Variants in PCDHGA3 observed in about 807,000 individuals in gnomAD.
PCDHGA3 encodes the protein protocadherin gamma-A3.
A neutral mutation model predicts 58.5 loss-of-function variants in PCDHGA3; 40 were observed. That is an observed-to-expected ratio of 0.68 (90% CI 0.53 to 0.89). PCDHGA3 has a LOEUF of 0.89. PCDHGA3 is among the 40% of genes least tolerant of loss of function. PCDHGA3 has a pLI of 0.00. For synonymous variants in PCDHGA3, 530 were observed against 525.7 expected, an observed-to-expected ratio of 1.01 and a Z score of -0.11; for missense variants, 1,223 against 1,195.9, an observed-to-expected ratio of 1.02 and a Z score of -0.33.
At chr5:141,458,519 T>C (rs974750749) in intron 1 of PCDHGA3, among the ~76,000 whole-genome samples, 1 of 152,110 alleles carries the variant, frequency 6.6e-6, no homozygotes, top group Non-Finnish European at 1.5e-5. Context: ...CTTTGTTTTT[T>C]TTTTTAACTT....
intron 1 of PCDHGA3, chr5:141,370,991 C>T (rs753428613): frequency 4.3e-6 from 7 of 1,613,954 alleles, no homozygotes; most frequent in Non-Finnish European, 5.9e-6. Flanking sequence ...TGAAAGCACC[C>T]CTGGACAGGG....
In PCDHGA3 at chr5:141,388,167, A is replaced by G. The variant is rs2091267491; in HGVS notation, c.2424+41710A>G. On this transcript the variant is annotated intron_variant, in intron 1 of 3. Coordinates refer to ENST00000253812, the MANE Select transcript of PCDHGA3 (RefSeq NM_018916.4). ...GAGCAGCAGGCTAGACAGGGAGGAG[A>G]TATGCGGGAAGAAGCCAGCTTGTGC... 4.1e-6 allele frequency: 6 copies of G among 1,478,972 alleles called. No individual in the cohort carries two copies. In the African/African-American group the frequency reaches 5.7e-5, roughly 14 times the overall value. 91.6% of individuals were successfully genotyped at this position (1,478,972 alleles called of 1,614,324 possible). A position where few individuals can be genotyped will look rare whatever the true frequency, so the allele number is the denominator to read the frequency against.
At chr5:141,501,288 T>TATACAC (rs201660636) in intron 2 of PCDHGA3, among the ~76,000 whole-genome samples, 3,536 of 81,176 alleles carry the variant, frequency 0.044, 56 homozygotes, top group Admixed American at 0.065. Flanking sequence ...GATATTCCCT[T>TATACAC]ATACACACAC....
At position 141,491,744 on chromosome 5, in the gene PCDHGA3, C is replaced by T; in HGVS notation, c.2425-3063C>T. 6.3e-7 allele frequency: 1 copy of T among 1,592,720 alleles called. No individual in the cohort carries two copies. Among genetic ancestry groups the T allele is most frequent in the African/African-American group, 1.3e-5 (1 of 74,122 alleles). Reference sequence around the variant, plus strand: ...CCCCGGGCGACCCCTGGGGGCGGCACTGGAGAAGCCGCCCGTCCTCATAAG... The same window carrying T: ...CCCCGGGCGACCCCTGGGGGCGGCATTGGAGAAGCCGCCCGTCCTCATAAG... On this transcript the variant is annotated intron_variant, in intron 1 of 3. Transcript: ENST00000253812. The surrounding 1 kb of genome is among the most constrained non-coding windows in gnomAD (Gnocchi z 6.9).
intron 1 of PCDHGA3, chr5:141,395,078 G>A: frequency 1.2e-6 from 2 of 1,614,126 alleles, no homozygotes; most frequent in Non-Finnish European, 1.7e-6. Flanking sequence ...CCTATTCCCA[G>A]GAAGTCTCCC....
At chr5:141,447,370 C>A (rs2098536615) in intron 1 of PCDHGA3, among the ~76,000 whole-genome samples, 1 of 151,612 alleles carries the variant, frequency 6.6e-6, no homozygotes, top group African/African-American at 2.4e-5. Context: ...AACTCCTGAC[C>A]CTGGTGATCT....
Position 141,431,581 on chromosome 5 carries a change from T to C in PCDHGA3, c.2425-63226T>C. The C allele has an allele frequency of 1.2e-6, 2 of 1,614,160 alleles. No individual in the cohort carries two copies. Among genetic ancestry groups the C allele is most frequent in the Non-Finnish European group, 1.7e-6 (2 of 1,180,022 alleles). ...CTACCGACCCTGACGAAGGAGTCAA[T>C]GCGGAAGTGAGGTATTCCTTCCGGT... On this transcript the variant is annotated intron_variant, in intron 1 of 3. Transcript: ENST00000253812. This position sits in a 1 kb window ranked among gnomAD's most constrained non-coding sequence, Gnocchi z 4.8.
rs764389909 is a variant in PCDHGA3, at chr5:141,491,064, ACTGTTG to A, written c.2425-3741_2425-3736del. On this transcript the variant is annotated intron_variant, in intron 1 of 3. Transcript: ENST00000253812. The surrounding 1 kb of genome is among the most constrained non-coding windows in gnomAD (Gnocchi z 6.9). ...GCCACAATGCGTGGCTCTCCTACTCACTGTTGCCACAGTCCACAGCCCCAGGACTGT... is the reference window on the plus strand; with the variant it reads ...GCCACAATGCGTGGCTCTCCTACTCACCACAGTCCACAGCCCCAGGACTGT... 1.2e-6 allele frequency: 2 copies of A among 1,613,962 alleles called. No homozygotes were observed. Among genetic ancestry groups the A allele is most frequent in the Admixed American group, 3.3e-5 (2 of 60,010 alleles).
intron 1 of PCDHGA3, chr5:141,421,270 C>G: frequency 6.2e-7 from 1 of 1,612,094 alleles, no homozygotes; most frequent in Non-Finnish European, 8.5e-7. Context: ...TCGGCTGCTG[C>G]TGCTGCTGTG....
rs773840884 is a variant in PCDHGA3 at position 141,372,185 on chromosome 5, C to G, written c.2424+25728C>G. 1.9e-6 allele frequency: 3 copies of G among 1,613,630 alleles called. No homozygotes were observed. The South Asian group carries it at 3.3e-5, about 18-fold the overall frequency. On this transcript the variant is annotated intron_variant, in intron 1 of 3. Coordinates refer to ENST00000253812, the MANE Select transcript of PCDHGA3 (RefSeq NM_018916.4). ...CCAAGGTGGTGGCGGTGGACGCAGA[C>G]TCGGGATACAACGCCTGGCTGTCCT...
At chr5:141,488,859 G>A (rs1033425540) in intron 1 of PCDHGA3, among the ~76,000 whole-genome samples, 12 of 152,204 alleles carry the variant, frequency 7.9e-5, no homozygotes, top group African/African-American at 2.9e-4. Context: ...GCAGCACGAA[G>A]TGAGTGGGGA....
chr5:141,451,358 T>C (rs537863729), intron 1 of PCDHGA3, among the ~76,000 whole-genome samples: 1 of 152,326 alleles, frequency 6.6e-6, no homozygotes, highest in African/African-American at 2.4e-5. Flanking sequence ...CAACAGAGGA[T>C]GGATCCGCTT....
At chr5:141,419,114 A>G in intron 1 of PCDHGA3, 1 of 1,613,926 alleles carries the variant, frequency 6.2e-7, no homozygotes. Flanking sequence ...CCCAGAGTAC[A>G]ACGTCACCAT....
intron 1 of PCDHGA3, chr5:141,361,695 C>G (rs754328997): frequency 8.1e-6 from 13 of 1,613,468 alleles, no homozygotes; most frequent in Non-Finnish European, 1.0e-5. Flanking sequence ...AGCGCGCCTT[C>G]GATCATGAGC....
chr5:141,384,337 G>A (rs370533196), intron 1 of PCDHGA3: 1 of 1,613,832 alleles, frequency 6.2e-7, no homozygotes, highest in Non-Finnish European at 8.5e-7. Flanking sequence ...ACAGGACCAC[G>A]ACAGTGAGGA....
intron 1 of PCDHGA3, chr5:141,366,432 C>T (rs1250180313): frequency 3.7e-6 from 6 of 1,614,064 alleles, no homozygotes; most frequent in South Asian, 1.1e-5. Context: ...GCTGCAGTCT[C>T]CTGCGTCTTC....
chr5:141,491,381 C>A lies in PCDHGA3; in HGVS notation c.2425-3426C>A. On this transcript the variant is annotated intron_variant, in intron 1 of 3. Transcript: ENST00000253812. This position sits in a 1 kb window ranked among gnomAD's most constrained non-coding sequence, Gnocchi z 6.9. ...CTAGTCACCTTCACCTTTCTGTCAGCGAAGTGCCTTCAGGGAAACGCAGAC... is the reference window on the plus strand; with the variant it reads ...CTAGTCACCTTCACCTTTCTGTCAGAGAAGTGCCTTCAGGGAAACGCAGAC... 2 of 1,614,068 alleles carry A rather than the reference C, an allele frequency of 1.2e-6. No homozygotes were observed. The highest frequency in any genetic ancestry group is 1.7e-6 in the Non-Finnish European group (2 of 1,179,950).
chr5:141,472,324 G>A (rs1027842697), intron 1 of PCDHGA3, among the ~76,000 whole-genome samples: 2 of 150,650 alleles, frequency 1.3e-5, no homozygotes, highest in African/African-American at 2.4e-5. Flanking sequence ...GGCAGATCAC[G>A]AGGTTGGGAG....
Position 141,486,486 on chromosome 5 carries a change from A to G in PCDHGA3, c.2425-8321A>G. The G allele has an allele frequency of 6.2e-7, 1 of 1,614,056 alleles. No individual in the cohort carries two copies. Among genetic ancestry groups the G allele is most frequent in the South Asian group, 1.1e-5 (1 of 91,084 alleles). ...GCTGGGAACCCTCCTCTCAGTACCC[A>G]CAGAACTATTTTCCTCAATATTTCA... On this transcript the variant is annotated intron_variant, in intron 1 of 3. Coordinates refer to ENST00000253812, the MANE Select transcript of PCDHGA3 (RefSeq NM_018916.4). The surrounding 1 kb of genome is among the most constrained non-coding windows in gnomAD (Gnocchi z 5.0).
Sources: allele counts gnomAD v4.1 joint callset (sites outside exome capture counted in the v4.1 genomes callset), GRCh38; gene constraint gnomAD v4.1.1; non-coding constraint Gnocchi (gnomAD v3.1); transcripts MANE v1.5; gene names NCBI Gene and HGNC (gene_info 2026-07-23, HGNC 2026-07-21).